The following LRIG2 variants were observed in gnomAD, a reference collection of about 807,000 sequenced individuals.
LRIG2 encodes leucine rich repeats and immunoglobulin like domains 2, also known as leucine-rich repeats and immunoglobulin-like domains protein 2.
A neutral mutation model predicts 107.8 loss-of-function variants in LRIG2; 93 were observed. The observed-to-expected ratio is 0.86, with a 90% CI of 0.73 to 1.03. LRIG2 has a LOEUF of 1.03. Among genes scored for constraint, LRIG2 ranks in the 50% least tolerant of loss-of-function variants. LRIG2 has a pLI of 0.00. For synonymous variants in LRIG2, 471 were observed against 470.6 expected, an observed-to-expected ratio of 1.00 and a Z score of -0.01; for missense variants, 1,226 against 1,296.0, an observed-to-expected ratio of 0.95 and a Z score of 0.83.
Position 113,129,321 on chromosome 1 carries a change from A to AC in LRIG2, c.*5220_*5221insC. 6.6e-6 allele frequency: 1 copy of AC among 151,318 alleles called. No homozygotes were observed. The highest frequency in any genetic ancestry group is 6.6e-5 in the Admixed American group (1 of 15,162). The allele number at this position is 151,318 out of a possible 1,614,324, so 9.4% of individuals were successfully genotyped here. On this transcript the variant is annotated 3_prime_UTR_variant, in exon 18 of 18. Coordinates refer to ENST00000361127, the MANE Select transcript of LRIG2 (RefSeq NM_014813.3). ...TGAGACTCCGTCTCAAAAAAAAAAAAAAAAAAACCCGTGTAGGAGTACTGC... is the reference window on the plus strand; with the variant it reads ...TGAGACTCCGTCTCAAAAAAAAAAAACAAAAAAACCCGTGTAGGAGTACTGC...
chr1:113,106,112 C>T (rs1358356088), intron 11 of LRIG2, among the ~76,000 whole-genome samples: 2 of 152,048 alleles, frequency 1.3e-5, no homozygotes, highest in African/African-American at 2.4e-5. Context: ...CCTGTAGTCC[C>T]AGCTACTTGG....
rs1047425442 is a variant in LRIG2, at chr1:113,127,132, T to C, written c.*3031T>C. ...CCAAAGATTGCTTCTTTTCCAAGTT[T>C]GTTTTGTTTTTAATCTTTTACCAAT... On this transcript the variant is annotated 3_prime_UTR_variant, in exon 18 of 18. Coordinates refer to ENST00000361127, the MANE Select transcript of LRIG2 (RefSeq NM_014813.3). 11 of 152,246 alleles carry C rather than the reference T, an allele frequency of 7.2e-5. No individual in the cohort carries two copies. Among genetic ancestry groups the C allele is most frequent in the African/African-American group, 1.4e-4 (6 of 41,462 alleles). The allele number at this position is 152,246 out of a possible 1,614,324, so 9.4% of individuals were successfully genotyped here.
chr1:113,112,842 G>T, intron 14 of LRIG2, 82 bp downstream of exon 14: 1 of 1,292,824 alleles, frequency 7.7e-7, no homozygotes, highest in Non-Finnish European at 1.1e-6. Context: ...AGAAAAATAA[G>T]TTTGAGATTA....
chr1:113,096,796 G>A (rs1302005097), intron 8 of LRIG2, among the ~76,000 whole-genome samples: 1 of 152,126 alleles, frequency 6.6e-6, no homozygotes, highest in Non-Finnish European at 1.5e-5. Context: ...ACATGACTTT[G>A]GACAGAAGAA....
At chr1:113,118,159 T>G (rs1484137904) in intron 16 of LRIG2, among the ~76,000 whole-genome samples, 1 of 152,124 alleles carries the variant, frequency 6.6e-6, no homozygotes, top group Non-Finnish European at 1.5e-5. Context: ...CCTCAGGTGA[T>G]CCACCTGCCT....
At chr1:113,115,585 C>T (rs1021468318) in intron 15 of LRIG2, among the ~76,000 whole-genome samples, 7 of 150,506 alleles carry the variant, frequency 4.7e-5, no homozygotes, top group Non-Finnish European at 7.4e-5. Flanking sequence ...TGGAGTGCAG[C>T]GGCATGATCT....
At chr1:113,093,000 G>GA (rs200575974) in intron 2 of LRIG2, among the ~76,000 whole-genome samples, 34 of 141,990 alleles carry the variant, frequency 2.4e-4, no homozygotes, top group Admixed American at 4.2e-4. Context: ...AAAAAAAAAA[G>GA]AAAAAAAAAA....
Position 113,093,504 on chromosome 1 carries a change from G to C in LRIG2, c.455G>C (p.Ser152Thr). Reference sequence around the variant, plus strand: ...CCTGCTCTGGAGAGTTTAGACCTCAGCTCAAATATAATATCAGAAATCAAG... The same window carrying C: ...CCTGCTCTGGAGAGTTTAGACCTCACCTCAAATATAATATCAGAAATCAAG... ...FYPALESLDL[S>T]SNIISEIKTS... The change falls in exon 4 of 18, where the codon AGC (serine) becomes ACC (threonine). Residue 152 changes from serine to threonine, a missense_variant. Physicochemically the swap from Ser to Thr is moderately conservative, Grantham distance 58. Around this residue, in one of 3 missense-constraint regions of LRIG2, gnomAD observed 570 missense variants for 550.2 expected, o/e 1.04. Transcript: ENST00000361127. 4.3e-6 allele frequency: 7 copies of C among 1,609,736 alleles called. No homozygotes were observed. The highest frequency in any genetic ancestry group is 5.9e-6 in the Non-Finnish European group (7 of 1,177,052).
At chr1:113,103,664 CA>C (rs989440102) in intron 11 of LRIG2, 1 of 154,228 alleles carries the variant, frequency 6.5e-6, no homozygotes, top group African/African-American at 2.4e-5. Context: ...CCAGACCTCT[CA>C]CCCAGGACCC....
intron 2 of LRIG2, among the ~76,000 whole-genome samples, chr1:113,092,121 C>T (rs1005752333): frequency 6.6e-6 from 1 of 152,182 alleles, no homozygotes; most frequent in South Asian, 2.1e-4. Flanking sequence ...ACACAGTTGA[C>T]AAGTTTGTTA....
At chr1:113,120,528 G>A (rs996348282) in intron 17 of LRIG2, among the ~76,000 whole-genome samples, 6 of 125,810 alleles carry the variant, frequency 4.8e-5, no homozygotes, top group Admixed American at 2.6e-4. Flanking sequence ...TTTTTTTTGG[G>A]AAATGGAGGT....
intron 12 of LRIG2, among the ~76,000 whole-genome samples, chr1:113,108,616 C>T (rs533746224): frequency 5.9e-5 from 9 of 152,058 alleles, no homozygotes; most frequent in East Asian, 2.0e-4. Context: ...GTGGCTCACA[C>T]CTGTAATCCC....
chr1:113,115,218 G>T (rs1654952887), intron 15 of LRIG2, among the ~76,000 whole-genome samples: 2 of 152,210 alleles, frequency 1.3e-5, no homozygotes, highest in African/African-American at 4.8e-5. Flanking sequence ...TTTGAGGAAA[G>T]AATTTTGTTT....
chr1:113,121,163 C>T (rs1396742790), intron 17 of LRIG2, among the ~76,000 whole-genome samples: 3 of 152,122 alleles, frequency 2.0e-5, no homozygotes, highest in African/African-American at 4.8e-5. Context: ...AGCAGGTAAA[C>T]ATTTAATTTC....
chr1:113,088,294 T>C (rs1230132975), intron 1 of LRIG2, among the ~76,000 whole-genome samples: 6 of 152,162 alleles, frequency 3.9e-5, no homozygotes, highest in East Asian at 3.8e-4. Flanking sequence ...TTGGGTTGCA[T>C]TGAAAAGCCT....
At chr1:113,080,019 A>ATTT (rs35584269) in intron 1 of LRIG2, among the ~76,000 whole-genome samples, 1,518 of 112,560 alleles carry the variant, frequency 0.013, 73 homozygotes, top group African/African-American at 0.052. Context: ...CCTGGCCCGA[A>ATTT]TTTTTTTTTT....
At chr1:113,073,948 C>T (rs1557891780) in intron 1 of LRIG2, among the ~76,000 whole-genome samples, 1 of 133,028 alleles carries the variant, frequency 7.5e-6, no homozygotes, top group Admixed American at 9.2e-5. Flanking sequence ...CTCACGGGTC[C>T]TGGGCACCAG....
At chr1:113,104,055 C>T (rs1257842613) in intron 11 of LRIG2, among the ~76,000 whole-genome samples, 1 of 152,146 alleles carries the variant, frequency 6.6e-6, no homozygotes, top group Non-Finnish European at 1.5e-5. Context: ...CTATATTGCT[C>T]CACCACTGGT....
chr1:113,111,144 C>T (rs1049743515), intron 13 of LRIG2, among the ~76,000 whole-genome samples: 8 of 152,168 alleles, frequency 5.3e-5, no homozygotes, highest in Non-Finnish European at 8.8e-5. Flanking sequence ...AAGTGATTCT[C>T]CTGTCTCCTG....
Sources: allele counts gnomAD v4.1 joint callset (sites outside exome capture counted in the v4.1 genomes callset), GRCh38; gene constraint gnomAD v4.1.1; regional missense constraint gnomAD v4.1.1; transcripts MANE v1.5; gene names NCBI Gene and HGNC (gene_info 2026-07-23, HGNC 2026-07-21).